Variants in CAMK1D observed in about 807,000 individuals in gnomAD.
CAMK1D encodes the protein calcium/calmodulin dependent protein kinase ID, also known as calcium/calmodulin-dependent protein kinase type 1D.
CAMK1D carries 9 observed loss-of-function variants against 47.7 expected under a neutral mutation model. The ratio of observed to expected loss-of-function variants is 0.19; its 90% CI spans 0.11 to 0.33. The LOEUF (loss-of-function observed/expected upper bound fraction) is 0.33, where lower values mean the gene tolerates loss of function less well. Ranked by LOEUF, CAMK1D falls within the 10% of genes least tolerant of loss-of-function variation. The pLI is 1.00. For missense variants in CAMK1D, 291 were observed against 488.7 expected, an observed-to-expected ratio of 0.60 and a Z score of 3.81; for synonymous variants, 184 against 184.9, an observed-to-expected ratio of 0.99 and a Z score of 0.04.
chr10:12,521,224 T>G (rs1380114710), intron 1 of CAMK1D, among the ~76,000 whole-genome samples: 2 of 152,214 alleles, frequency 1.3e-5, no homozygotes, highest in African/African-American at 4.8e-5. Context: ...TGTTTGATTT[T>G]AGATCTTTCT....
intron 1 of CAMK1D, among the ~76,000 whole-genome samples, chr10:12,387,400 T>TTATATATTATATATATTTTATATATTA (rs1838546808): frequency 1.4e-4 from 9 of 65,276 alleles, no homozygotes; most frequent in Non-Finnish European, 2.7e-4. Flanking sequence ...TTATATATTT[T>TTATATATTATATATATTTTATATATTA]TATATATTAT....
intron 1 of CAMK1D, among the ~76,000 whole-genome samples, chr10:12,525,828 G>A (rs78448629): frequency 0.23 from 35,025 of 151,932 alleles, 4,300 homozygotes; most frequent in South Asian, 0.27. Flanking sequence ...CGTGATCTCC[G>A]CTCAGTACAA....
Position 12,691,404 on chromosome 10 carries a change from A to T in CAMK1D, c.299+24594A>T, listed in dbSNP as rs1358446042. ...ATATATATATATATATATATATATA[A>T]ATATATATATATATATATTTTTTTT... is the stretch of plus-strand genomic sequence containing the variant. On this transcript the variant is annotated intron_variant, in intron 3 of 10. Transcript: ENST00000619168. 6.1e-3 allele frequency among the ~76,000 whole-genome samples: 44 copies of T among 7,194 alleles called. 2 individuals are homozygous for T. The highest frequency in any genetic ancestry group is 9.7e-3 in the African/African-American group (19 of 1,964). The allele number at this position is 7,194 out of a possible 152,430, so 4.7% of individuals were successfully genotyped here.
chr10:12,802,763 G>A (rs960511128), intron 6 of CAMK1D, among the ~76,000 whole-genome samples: 2 of 152,124 alleles, frequency 1.3e-5, no homozygotes, highest in Admixed American at 6.6e-5. Flanking sequence ...CTCATGATCC[G>A]TCCACCGTGG....
At chr10:12,522,051 A>G (rs1242639218) in intron 1 of CAMK1D, among the ~76,000 whole-genome samples, 1 of 151,822 alleles carries the variant, frequency 6.6e-6, no homozygotes, top group Non-Finnish European at 1.5e-5. Context: ...GATGTATTTG[A>G]GCCATTTACA....
chr10:12,689,860 G>A (rs1181829293), intron 3 of CAMK1D, among the ~76,000 whole-genome samples: 1 of 152,054 alleles, frequency 6.6e-6, no homozygotes, highest in Non-Finnish European at 1.5e-5. Flanking sequence ...TTAAGTGGGG[G>A]GAAAATGAGG....
intron 8 of CAMK1D, among the ~76,000 whole-genome samples, chr10:12,822,476 A>G (rs1043631346): frequency 3.3e-5 from 5 of 152,374 alleles, no homozygotes; most frequent in South Asian, 2.1e-4. Context: ...CATGGGACAC[A>G]GAGTATAGGC....
intron 1 of CAMK1D, among the ~76,000 whole-genome samples, chr10:12,446,693 G>A (rs1296285036): frequency 6.6e-6 from 1 of 152,214 alleles, no homozygotes; most frequent in Non-Finnish European, 1.5e-5. Flanking sequence ...CTGGATAGTA[G>A]CCATGATATA....
At chr10:12,778,000 G>A (rs537126982) in intron 5 of CAMK1D, among the ~76,000 whole-genome samples, 1 of 152,204 alleles carries the variant, frequency 6.6e-6, no homozygotes, top group Non-Finnish European at 1.5e-5. Context: ...GGGGCAGGAC[G>A]CTGCTGTCTG....
intron 2 of CAMK1D, among the ~76,000 whole-genome samples, chr10:12,616,235 A>G (rs190110297): frequency 1.3e-5 from 2 of 152,288 alleles, no homozygotes; most frequent in Admixed American, 1.3e-4. Flanking sequence ...ATAGGAAGAA[A>G]TAAAATTAGT....
In CAMK1D at chr10:12,479,114, T is replaced by C. The variant is rs577126440; in HGVS notation, c.93-74111T>C. On this transcript the variant is annotated intron_variant, in intron 1 of 10. Transcript: ENST00000619168. Reference sequence around the variant, plus strand: ...ATGCATCATAGTCTCCTGTGGAGTATGTGAAAACGGCTCCTGGCCCTGCCC... The same window carrying C: ...ATGCATCATAGTCTCCTGTGGAGTACGTGAAAACGGCTCCTGGCCCTGCCC... Among the ~76,000 whole-genome samples the C allele has an allele frequency of 3.9e-5, 6 of 152,270 alleles. No individual in the cohort carries two copies. The East Asian group carries it at 5.8e-4, about 15-fold the overall frequency.
intron 5 of CAMK1D, among the ~76,000 whole-genome samples, chr10:12,776,394 A>G (rs1837248148): frequency 6.6e-6 from 1 of 152,200 alleles, no homozygotes; most frequent in African/African-American, 2.4e-5. Flanking sequence ...TGACTAAGCC[A>G]AGAGGGCAGC....
At chr10:12,592,171 C>CTT (rs376243158) in intron 2 of CAMK1D, among the ~76,000 whole-genome samples, 2 of 152,312 alleles carry the variant, frequency 1.3e-5, no homozygotes, top group African/African-American at 4.8e-5. Context: ...GAAGTCCACA[C>CTT]TTTAGTGTTT....
intron 4 of CAMK1D, among the ~76,000 whole-genome samples, chr10:12,764,949 G>A (rs1300541943): frequency 6.6e-6 from 1 of 152,154 alleles, no homozygotes; most frequent in African/African-American, 2.4e-5. Context: ...TACAAAAGTA[G>A]CCGTGTGTGG....
At chr10:12,701,318 C>T (rs187479177) in intron 3 of CAMK1D, among the ~76,000 whole-genome samples, 19 of 152,182 alleles carry the variant, frequency 1.2e-4, no homozygotes, top group Admixed American at 6.5e-4. Context: ...AATTTATAAA[C>T]GGAAGTGATT....
chr10:12,437,196 C>T (rs556269467), intron 1 of CAMK1D, among the ~76,000 whole-genome samples: 1 of 152,126 alleles, frequency 6.6e-6, no homozygotes, highest in South Asian at 2.1e-4. Flanking sequence ...GTCTGTCTGT[C>T]TGTCTATGTA....
chr10:12,360,782 A>G (rs1267662029), intron 1 of CAMK1D, among the ~76,000 whole-genome samples: 2 of 152,194 alleles, frequency 1.3e-5, no homozygotes, highest in African/African-American at 4.8e-5. Flanking sequence ...AAACCAACCT[A>G]CATCAACTAT....
chr10:12,483,675 A>G (rs1278046930), intron 1 of CAMK1D, among the ~76,000 whole-genome samples: 12 of 151,112 alleles, frequency 7.9e-5, no homozygotes, highest in Non-Finnish European at 3.0e-5. Flanking sequence ...CTAAAAAAAG[A>G]GATCCAATTT....
intron 3 of CAMK1D, among the ~76,000 whole-genome samples, chr10:12,691,966 C>A (rs1832949044): frequency 6.6e-6 from 1 of 152,198 alleles, no homozygotes; most frequent in Non-Finnish European, 1.5e-5. Flanking sequence ...GATACTGATT[C>A]TTCTGCAGCT....
Sources: allele counts gnomAD v4.1 joint callset (sites outside exome capture counted in the v4.1 genomes callset), GRCh38; gene constraint gnomAD v4.1.1; transcripts MANE v1.5; gene names NCBI Gene and HGNC (gene_info 2026-07-23, HGNC 2026-07-21).